The following RBM24 variants were observed in gnomAD, a reference collection of about 807,000 sequenced individuals.
The protein encoded by RBM24 is RNA binding motif protein 24.
In RBM24, 5 loss-of-function variants were observed where a neutral mutation model predicts 23.6. The observed-to-expected ratio is 0.21, with a 90% CI of 0.11 to 0.45. The LOEUF is 0.45. Among genes scored for constraint, RBM24 ranks in the 20% least tolerant of loss-of-function variants. The pLI is 0.99. For synonymous variants in RBM24, 151 were observed against 129.5 expected (o/e 1.17, Z -1.13); for missense variants, 252 against 314.6 (o/e 0.80, Z 1.51).
intron 2 of RBM24, among the ~76,000 whole-genome samples, chr6:17,284,108 T>A (rs537163362): frequency 6.6e-6 from 1 of 152,282 alleles, no homozygotes; most frequent in Non-Finnish European, 1.5e-5. Flanking sequence ...AAAAGGAAAC[T>A]AGGTTGTCAA....
In RBM24 at chr6:17,288,687, G is replaced by A. The variant is rs80167501; in HGVS notation, c.348-3069G>A. On this transcript the variant is annotated intron_variant, in intron 3 of 3. Coordinates refer to ENST00000379052, the MANE Select transcript of RBM24 (RefSeq NM_001143942.2). ...TGTGAGGATTAGCATCTGGGTGAGG[G>A]ATGAATGACATGAATAAAGGGCAAG... 5,815 of 977,920 alleles carry A rather than the reference G, an allele frequency of 5.9e-3. 329 individuals are homozygous for A. In the East Asian group the frequency reaches 0.22, roughly 37 times the overall value. The allele number at this position is 977,920 out of a possible 1,614,324, so 60.6% of individuals were successfully genotyped here.
chr6:17,283,481 G>T (rs1174785557), intron 2 of RBM24, among the ~76,000 whole-genome samples: 1 of 152,070 alleles, frequency 6.6e-6, no homozygotes, highest in African/African-American at 2.4e-5. Context: ...GCAATGACGC[G>T]ATCTAGGCTC....
intron 3 of RBM24, chr6:17,288,942 A>T (rs1178689835): frequency 1.0e-6 from 1 of 985,284 alleles, no homozygotes; most frequent in Admixed American, 6.2e-5. Context: ...AGTTGCTGTG[A>T]GATAGATTGG....
At chr6:17,283,410 A>G (rs2113395819) in intron 2 of RBM24, among the ~76,000 whole-genome samples, 1 of 152,194 alleles carries the variant, frequency 6.6e-6, no homozygotes, top group South Asian at 2.1e-4. Flanking sequence ...GCGATGTCCA[A>G]ATGGTAAAGG....
rs1476125457 is a variant in RBM24, at chr6:17,293,508, G to A, written c.*1389G>A. ...CATGCTTCCTCCTCTGATTTTGCCT[G>A]TGTAGATTTCATTTATTGGTAATTC... On this transcript the variant is annotated 3_prime_UTR_variant, in exon 4 of 4. Coordinates refer to ENST00000379052, the MANE Select transcript of RBM24 (RefSeq NM_001143942.2). 2.6e-5 allele frequency: 4 copies of A among 152,350 alleles called. No homozygotes were observed. Among genetic ancestry groups the A allele is most frequent in the Admixed American group, 6.6e-5 (1 of 15,256 alleles). The allele number at this position is 152,350 out of a possible 1,614,324, so 9.4% of individuals were successfully genotyped here.
At chr6:17,282,692 A>G in intron 1 of RBM24, 113 bp from the exon 2 acceptor site, 1 of 1,506,640 alleles carries the variant, frequency 6.6e-7, no homozygotes, top group Non-Finnish European at 9.0e-7. Context: ...AAGAATAGAA[A>G]AAAAGTTTGA....
chr6:17,285,295 C>T (rs1182348660), intron 3 of RBM24: 1 of 152,136 alleles, frequency 6.6e-6, no homozygotes, highest in Non-Finnish European at 1.5e-5. Flanking sequence ...GTGCTTTTTA[C>T]TTAATTGAAA....
rs544439056 is a variant in RBM24, at chr6:17,293,112, CTATT to C, written c.*998_*1001del. On this transcript the variant is annotated 3_prime_UTR_variant, in exon 4 of 4. Coordinates refer to ENST00000379052, the MANE Select transcript of RBM24 (RefSeq NM_001143942.2). ...ATCTATTTCAGAGTCATATTTAAAA[CTATT>C]TATTAGTGACTACAGTACATGAGAC... The C allele has an allele frequency of 1.6e-4, 25 of 152,430 alleles. No homozygotes were observed. The highest frequency in any genetic ancestry group is 7.7e-4 in the East Asian group (4 of 5,188). 9.4% of individuals were successfully genotyped at this position (152,430 alleles called of 1,614,324 possible). A position where few individuals can be genotyped will look rare whatever the true frequency, so the allele number is the denominator to read the frequency against.
chr6:17,284,524 TAC>T, intron 2 of RBM24, 131 bp from the exon 3 acceptor site: 3 of 604,236 alleles, frequency 5.0e-6, no homozygotes, highest in South Asian at 6.1e-5. Context: ...AAAATATACA[TAC>T]ATATAGTTTC....
intron 3 of RBM24, among the ~76,000 whole-genome samples, chr6:17,285,879 G>A (rs1038139908): frequency 6.6e-6 from 1 of 152,086 alleles, no homozygotes; most frequent in Non-Finnish European, 1.5e-5. Context: ...TGTTCTACCT[G>A]ATCAACATGC....
chr6:17,289,047 G>A (rs1264207939), intron 3 of RBM24: 1 of 985,432 alleles, frequency 1.0e-6, no homozygotes, highest in African/African-American at 1.7e-5. Context: ...GAGATGGGAA[G>A]AAAAGGAAAA....
chr6:17,291,887 A>ACT lies in RBM24; in HGVS notation c.481_482dup (p.Ala162GlnfsTer81). The ACT allele has an allele frequency of 1.2e-6, 2 of 1,613,818 alleles. No individual in the cohort carries two copies. Among genetic ancestry groups the ACT allele is most frequent in the Non-Finnish European group, 1.7e-6 (2 of 1,179,978 alleles). ...TACACTGGAGCTGCATACGCACAAT[A>ACT]CTCAGCAGCTGCTGCTGCTGCCGCC... On this transcript the variant is annotated frameshift_variant, in exon 4 of 4. Transcript: ENST00000379052. LOFTEE classifies it high-confidence loss of function.
Position 17,292,046 on chromosome 6 carries a change from C to T in RBM24, c.638C>T (p.Ala213Val). Residue 213 changes from alanine (A) to valine (V), a missense_variant, in exon 4 of 4, where the codon GCT (alanine) becomes GTT (valine). Ala to Val is a moderately conservative substitution (Grantham distance 64). Coordinates refer to ENST00000379052, the MANE Select transcript of RBM24 (RefSeq NM_001143942.2). ...AAAPGTAAAA[A>V]AAAAAAAAFG... ...GCACCTGGGACAGCTGCCGCCGCCG[C>T]TGCAGCAGCTGCTGCCGCTGCAGCA... The T allele has an allele frequency of 6.3e-6, 10 of 1,595,210 alleles. No homozygotes were observed. Among genetic ancestry groups the T allele is most frequent in the Non-Finnish European group, 7.7e-6 (9 of 1,175,448 alleles).
rs775736040 is a variant in RBM24 at position 17,291,906 on chromosome 6, TGCC to T, written c.507_509del (p.Ala172del). On this transcript the variant is annotated inframe_deletion, in exon 4 of 4. Coordinates refer to ENST00000379052, the MANE Select transcript of RBM24 (RefSeq NM_001143942.2). ...CACAATACTCAGCAGCTGCTGCTGC[TGCC>T]GCCGCCGCTGCTGCCTATGACCAGT... 2 of 1,612,086 alleles carry T rather than the reference TGCC, an allele frequency of 1.2e-6. No individual in the cohort carries two copies. Among genetic ancestry groups the T allele is most frequent in the Admixed American group, 3.3e-5 (2 of 60,010 alleles).
rs1455563890 is a variant in RBM24 at position 17,293,403 on chromosome 6, A to G, written c.*1284A>G. 1 of 152,596 alleles carries G rather than the reference A, an allele frequency of 6.6e-6. No homozygotes were observed. Among genetic ancestry groups the G allele is most frequent in the East Asian group, 1.9e-4 (1 of 5,194 alleles). 9.5% of individuals were successfully genotyped at this position (152,596 alleles called of 1,614,324 possible). ...TGGATTTATTTAAATTCATATGTGC[A>G]CTGTATAAGAGAGTACTCTTACATT... On this transcript the variant is annotated 3_prime_UTR_variant, in exon 4 of 4. Coordinates refer to ENST00000379052, the MANE Select transcript of RBM24 (RefSeq NM_001143942.2).
At position 17,281,505 on chromosome 6, in the gene RBM24, G is replaced by C. The variant is rs567257366; in HGVS notation, c.-77G>C. ...GGCCGCGAAAGGGTGCGGGAGACGCGGAGCCGGAGGAGGAGGCGCAGCCGC... is the reference window on the plus strand; with the variant it reads ...GGCCGCGAAAGGGTGCGGGAGACGCCGAGCCGGAGGAGGAGGCGCAGCCGC... On this transcript the variant is annotated 5_prime_UTR_variant, in exon 1 of 4. Coordinates refer to ENST00000379052, the MANE Select transcript of RBM24 (RefSeq NM_001143942.2). The surrounding 1 kb of genome is among the most constrained non-coding windows in gnomAD (Gnocchi z 7.1). The C allele has an allele frequency of 2.2e-6, 3 of 1,341,940 alleles. No individual in the cohort carries two copies. The highest frequency in any genetic ancestry group is 3.1e-5 in the African/African-American group (2 of 63,714). The allele number at this position is 1,341,940 out of a possible 1,614,324, so 83.1% of individuals were successfully genotyped here. A position where few individuals can be genotyped will look rare whatever the true frequency, so the allele number is the denominator to read the frequency against.
intron 3 of RBM24, 75 bp downstream of exon 3, chr6:17,284,786 G>T: frequency 9.3e-7 from 1 of 1,075,728 alleles, no homozygotes; most frequent in Non-Finnish European, 1.4e-6. Context: ...GTTATATACA[G>T]ATAAGATCAT....
intron 1 of RBM24, chr6:17,282,317 G>T (rs1404884165): frequency 8.5e-7 from 1 of 1,178,950 alleles, no homozygotes; most frequent in East Asian, 5.7e-5. Context: ...AAATTCAGCT[G>T]CCGAAGAGCA....
At position 17,290,957 on chromosome 6, in the gene RBM24, A is replaced by G. The variant is rs1581437015; in HGVS notation, c.348-799A>G. Reference sequence around the variant, plus strand: ...GAAAAAAAAGAGAAAGAAAGAAAATAAGTGTGCTGCACATCTCTTTGGGAA... The same window carrying G: ...GAAAAAAAAGAGAAAGAAAGAAAATGAGTGTGCTGCACATCTCTTTGGGAA... On this transcript the variant is annotated intron_variant, in intron 3 of 3. Coordinates refer to ENST00000379052, the MANE Select transcript of RBM24 (RefSeq NM_001143942.2). The G allele has an allele frequency of 3.9e-6, 4 of 1,025,708 alleles. No homozygotes were observed. In the East Asian group the frequency reaches 2.4e-4, roughly 61 times the overall value. The allele number at this position is 1,025,708 out of a possible 1,614,324, so 63.5% of individuals were successfully genotyped here.
Sources: gnomAD v4.1 joint callset for allele counts (sites outside exome capture counted in the v4.1 genomes callset) on GRCh38, gnomAD v4.1.1 for gene constraint, Gnocchi (gnomAD v3.1) non-coding constraint, MANE v1.5 for transcripts, NCBI Gene and HGNC (gene_info 2026-07-23, HGNC 2026-07-21) for gene names.